The following ACTR3C variants were observed in gnomAD, a reference collection of about 807,000 sequenced individuals.
The protein encoded by ACTR3C is actin related protein 3C, also known as actin-related protein 3C.
A neutral mutation model predicts 26.3 loss-of-function variants in ACTR3C; 18 were observed. That is an observed-to-expected ratio of 0.68 (90% CI 0.47 to 1.01). The LOEUF (loss-of-function observed/expected upper bound fraction) is 1.01. ACTR3C is among the 50% of genes least tolerant of loss of function. ACTR3C has a pLI of 0.00. For synonymous variants in ACTR3C, 55 were observed against 94.5 expected (o/e 0.58, Z 2.42); for missense variants, 184 against 250.7 (o/e 0.73, Z 1.80).
At chr7:150,037,558 G>A in the ACTR3C span, among the ~76,000 whole-genome samples, 1 of 58,622 alleles carries the variant, frequency 1.7e-5, no homozygotes, top group Admixed American at 1.8e-4. Context: ...CTCGTGCGAT[G>A]GGGGTCCTAA....
the ACTR3C span, among the ~76,000 whole-genome samples, chr7:150,158,256 T>C: frequency 2.6e-5 from 4 of 151,992 alleles, no homozygotes; most frequent in Non-Finnish European, 5.9e-5. Context: ...GGCAAATTGT[T>C]ATAGTCATTA....
chr7:150,056,863 AAG>A, the ACTR3C span, among the ~76,000 whole-genome samples: 7 of 144,492 alleles, frequency 4.8e-5, no homozygotes, highest in African/African-American at 1.6e-4. Flanking sequence ...AATGCTTTCA[AAG>A]GACTTTGAAG....
chr7:150,211,926 A>G, the ACTR3C span, among the ~76,000 whole-genome samples: 1 of 146,652 alleles, frequency 6.8e-6, no homozygotes, highest in African/African-American at 2.7e-5. Context: ...CTGTGCGCAC[A>G]TTTTGTCAGA....
chr7:150,232,982 A>G, the ACTR3C span, among the ~76,000 whole-genome samples: 1 of 152,166 alleles, frequency 6.6e-6, no homozygotes, highest in Non-Finnish European at 1.5e-5. Flanking sequence ...TACTTTAAAT[A>G]GTTATTTTTA....
At chr7:149,931,633 T>A in the ACTR3C span, among the ~76,000 whole-genome samples, 16 of 152,184 alleles carry the variant, frequency 1.1e-4, no homozygotes, top group Non-Finnish European at 2.1e-4. Flanking sequence ...TGAAAGAAAG[T>A]GTCAACCTGG....
intron 1 of ACTR3C, among the ~76,000 whole-genome samples, chr7:150,303,150 T>A (rs1403336109): frequency 1.3e-5 from 2 of 152,194 alleles, no homozygotes; most frequent in Admixed American, 1.3e-4. Flanking sequence ...GATGACTAAG[T>A]AAGTTCAGGC....
chr7:150,033,781 G>A, the ACTR3C span, among the ~76,000 whole-genome samples: 1 of 151,768 alleles, frequency 6.6e-6, no homozygotes, highest in East Asian at 2.0e-4. Context: ...TCCTGCGATG[G>A]GGGTCCTCAG....
At chr7:150,160,772 G>C in the ACTR3C span, among the ~76,000 whole-genome samples, 2 of 151,722 alleles carry the variant, frequency 1.3e-5, no homozygotes, top group African/African-American at 4.9e-5. Context: ...CTGTGTTCCT[G>C]GTGCCTTGAA....
At chr7:149,980,303 T>C in the ACTR3C span, among the ~76,000 whole-genome samples, 3 of 152,246 alleles carry the variant, frequency 2.0e-5, no homozygotes, top group African/African-American at 7.2e-5. Flanking sequence ...TACTTTAGGC[T>C]TTGTTTTATT....
the ACTR3C span, chr7:150,076,625 G>C: frequency 6.6e-6 from 1 of 152,128 alleles, no homozygotes; most frequent in Non-Finnish European, 1.5e-5. Flanking sequence ...AGTGGATGTA[G>C]CACCAGAAGC....
chr7:150,031,983 T>C, the ACTR3C span, among the ~76,000 whole-genome samples: 1 of 152,172 alleles, frequency 6.6e-6, no homozygotes, highest in Non-Finnish European at 1.5e-5. Context: ...CCCAGGGCCC[T>C]CTAAGAGTGA....
chr7:150,040,659 C>T, the ACTR3C span: 2 of 146,178 alleles, frequency 1.4e-5, no homozygotes, highest in Non-Finnish European at 3.0e-5. Context: ...CGCAAGGTAC[C>T]TGCCGTCGGA....
At chr7:149,887,912 C>T in the ACTR3C span, among the ~76,000 whole-genome samples, 8 of 152,272 alleles carry the variant, frequency 5.3e-5, no homozygotes, top group East Asian at 3.9e-4. Context: ...TTTCTCTTGC[C>T]GCTGCCATGT....
chr7:150,118,039 A>G, the ACTR3C span, among the ~76,000 whole-genome samples: 3 of 152,230 alleles, frequency 2.0e-5, no homozygotes, highest in African/African-American at 7.2e-5. Flanking sequence ...AATAGCATCG[A>G]CATAAACAAA....
the ACTR3C span, among the ~76,000 whole-genome samples, chr7:149,901,693 A>G: frequency 1.3e-5 from 2 of 152,052 alleles, no homozygotes; most frequent in Non-Finnish European, 2.9e-5. Flanking sequence ...GCAGGTGGAT[A>G]GCTTGAGGCC....
chr7:150,036,902 G>T, the ACTR3C span, among the ~76,000 whole-genome samples: 1 of 117,180 alleles, frequency 8.5e-6, no homozygotes, highest in Non-Finnish European at 2.0e-5. Context: ...CCCGCCTCGC[G>T]GGGAGTGCCT....
intron 1 of ACTR3C, among the ~76,000 whole-genome samples, chr7:150,322,259 G>C (rs913058535): frequency 2.0e-5 from 3 of 152,168 alleles, no homozygotes; most frequent in Admixed American, 2.0e-4. Flanking sequence ...ATAAGGGCTG[G>C]GTAAAATGAG....
the ACTR3C span, among the ~76,000 whole-genome samples, chr7:150,236,021 C>A: frequency 3.3e-5 from 5 of 151,612 alleles, no homozygotes; most frequent in African/African-American, 4.9e-5. Context: ...AACTTTCTAC[C>A]ATCTTTCAGA....
chr7:150,146,270 C>T, the ACTR3C span, among the ~76,000 whole-genome samples: 4 of 151,942 alleles, frequency 2.6e-5, no homozygotes, highest in Non-Finnish European at 4.4e-5. Flanking sequence ...GCAATTTTGC[C>T]GGTGTCAATG....
Sources: gnomAD v4.1 joint callset for allele counts (sites outside exome capture counted in the v4.1 genomes callset) on GRCh38, gnomAD v4.1.1 for gene constraint, MANE v1.5 for transcripts, NCBI Gene and HGNC (gene_info 2026-07-23, HGNC 2026-07-21) for gene names.